The following RBFOX1 variants were observed in gnomAD, a reference collection of about 807,000 sequenced individuals.
The protein encoded by RBFOX1 is RNA binding protein fox-1 homolog 1.
In RBFOX1, 8 loss-of-function variants were observed where a neutral mutation model predicts 57.7. The observed-to-expected ratio is 0.14, with a 90% CI of 0.08 to 0.25. RBFOX1 has a LOEUF of 0.25. Among genes scored for constraint, RBFOX1 ranks in the 10% least tolerant of loss-of-function variants. The probability of loss-of-function intolerance (pLI) is 1.00; values close to 1 mark genes in which losing one functional copy is unlikely to be tolerated. For missense variants in RBFOX1, 611 were observed against 548.5 expected (o/e 1.11, Z -1.14); for synonymous variants, 326 against 222.4 (o/e 1.47, Z -4.15).
At chr16:7,221,335 T>TTTTATTTATTTGATTA in intron 4 of RBFOX1, among the ~76,000 whole-genome samples, 1 of 149,128 alleles carries the variant, frequency 6.7e-6, no homozygotes, top group East Asian at 2.0e-4. Flanking sequence ...TATTCTTTAT[T>TTTTATTTATTTGATTA]TTTATTTGAT....
At chr16:6,513,709 G>A (rs1477200749) in intron 2 of RBFOX1, among the ~76,000 whole-genome samples, 1 of 152,102 alleles carries the variant, frequency 6.6e-6, no homozygotes, top group Non-Finnish European at 1.5e-5. Context: ...ACTCCAGCCT[G>A]GGGGACAAGA....
intron 4 of RBFOX1, among the ~76,000 whole-genome samples, chr16:5,919,955 T>TAA (rs1340732466): frequency 1.1e-4 from 17 of 152,186 alleles, no homozygotes; most frequent in African/African-American, 3.9e-4. Context: ...TTCCATTTTT[T>TAA]TTAGACGGAG....
intron 3 of RBFOX1, among the ~76,000 whole-genome samples, chr16:6,967,720 G>C (rs910694616): frequency 1.3e-5 from 2 of 152,030 alleles, no homozygotes; most frequent in Non-Finnish European, 1.5e-5. Context: ...GGTCAAATGG[G>C]TCTTCTTTAA....
chr16:7,666,942 T>A (rs1260917210), intron 13 of RBFOX1, among the ~76,000 whole-genome samples: 1 of 152,144 alleles, frequency 6.6e-6, no homozygotes. Flanking sequence ...TTTCTTCCAG[T>A]CCTAAGTTGT....
chr16:7,502,859 C>G lies in RBFOX1; in HGVS notation c.28-15288C>G, dbSNP rs190826604. Among the ~76,000 whole-genome samples, 127 of 152,076 alleles carry G rather than the reference C, an allele frequency of 8.4e-4. 2 individuals are homozygous for G. The highest frequency in any genetic ancestry group is 1.2e-4 in the Non-Finnish European group (8 of 67,982). On this transcript the variant is annotated intron_variant, in intron 4 of 15. Transcript: ENST00000550418. The stretch of plus-strand genomic sequence containing the variant: ...CCAACATGGTGAAACTCCCTGTCTA[C>G]TAAAAATACAAAAATTAGCCAAGTG...
intron 3 of RBFOX1, among the ~76,000 whole-genome samples, chr16:6,947,402 G>A (rs780787760): frequency 1.3e-5 from 2 of 152,178 alleles, no homozygotes; most frequent in Non-Finnish European, 2.9e-5. Flanking sequence ...GGTTTCCTAA[G>A]AGAAGGAACA....
chr16:6,628,242 C>A (rs1162246775), intron 2 of RBFOX1, among the ~76,000 whole-genome samples: 1 of 152,218 alleles, frequency 6.6e-6, no homozygotes, highest in Non-Finnish European at 1.5e-5. Context: ...TACTCAATGA[C>A]AGCCAACGTA....
intron 1 of RBFOX1, among the ~76,000 whole-genome samples, chr16:5,272,276 G>C (rs535581723): frequency 6.6e-6 from 1 of 152,292 alleles, no homozygotes; most frequent in Non-Finnish European, 1.5e-5. Context: ...TAATTAGTTT[G>C]ATCTAATCAT....
At chr16:6,057,887 C>A (rs916557595) in intron 1 of RBFOX1, among the ~76,000 whole-genome samples, 1 of 126,134 alleles carries the variant, frequency 7.9e-6, no homozygotes, top group Non-Finnish European at 1.5e-5. Flanking sequence ...CAGAAGTAGG[C>A]AACCGCTCAG....
chr16:7,630,709 T>C, intron 11 of RBFOX1, 26 bp downstream of exon 11: 1 of 1,613,744 alleles, frequency 6.2e-7, no homozygotes, highest in Admixed American at 1.7e-5. Context: ...TGGCTCTTTT[T>C]GTTTTGTGAC....
chr16:6,383,540 T>G (rs541083282), intron 2 of RBFOX1, among the ~76,000 whole-genome samples: 1 of 152,218 alleles, frequency 6.6e-6, no homozygotes, highest in African/African-American at 2.4e-5. Flanking sequence ...TTTGGGAGGC[T>G]GAGGTGGGCG....
chr16:7,214,927 T>C (rs1039202209), intron 4 of RBFOX1, among the ~76,000 whole-genome samples: 1 of 152,162 alleles, frequency 6.6e-6, no homozygotes, highest in African/African-American at 2.4e-5. Flanking sequence ...CTCGGACACA[T>C]GTACTGAATG....
chr16:6,141,148 T>TG (rs1363675005), intron 1 of RBFOX1, among the ~76,000 whole-genome samples: 2 of 152,174 alleles, frequency 1.3e-5, no homozygotes, highest in East Asian at 3.9e-4. Context: ...GACCCTCCTT[T>TG]GTCTTTTTGC....
intron 4 of RBFOX1, among the ~76,000 whole-genome samples, chr16:7,401,445 C>T (rs1339017407): frequency 6.6e-6 from 1 of 152,086 alleles, no homozygotes; most frequent in African/African-American, 2.4e-5. Context: ...GATGGGATGG[C>T]TGTATGGATC....
intron 2 of RBFOX1, among the ~76,000 whole-genome samples, chr16:6,517,210 A>G (rs2096397564): frequency 6.6e-6 from 1 of 152,100 alleles, no homozygotes; most frequent in South Asian, 2.1e-4. Context: ...GAAGGGCGTG[A>G]TGATATATGG....
intron 1 of RBFOX1, among the ~76,000 whole-genome samples, chr16:6,091,342 C>A (rs1359064561): frequency 6.6e-6 from 1 of 152,190 alleles, no homozygotes; most frequent in South Asian, 2.1e-4. Flanking sequence ...ATTTGTCTGA[C>A]CCCCTTCCCT....
chr16:5,462,692 G>T (rs1279415775), intron 1 of RBFOX1, among the ~76,000 whole-genome samples: 1 of 152,124 alleles, frequency 6.6e-6, no homozygotes, highest in African/African-American at 2.4e-5. Context: ...GGAATTCTAC[G>T]CACCTGTTAG....
chr16:7,153,736 A>AAAAT lies in RBFOX1; in HGVS notation c.27+101641_27+101642insTAAA, dbSNP rs1555514600. On this transcript the variant is annotated intron_variant, in intron 4 of 15. Coordinates refer to ENST00000550418, the MANE Select transcript of RBFOX1 (RefSeq NM_018723.4). ...CAGTGAGACAGTGTCTCAAAAAAAA[A>AAAAT]AAAAATAAGGAAAGAAAGAAAGGAA... 1.3e-5 allele frequency among the ~76,000 whole-genome samples: 2 copies of AAAAT among 151,380 alleles called. 1 individual carries two copies. Among genetic ancestry groups the AAAAT allele is most frequent in the South Asian group, 4.2e-4 (2 of 4,762 alleles).
At chr16:6,802,570 G>T (rs2154258870) in intron 3 of RBFOX1, among the ~76,000 whole-genome samples, 1 of 152,256 alleles carries the variant, frequency 6.6e-6, no homozygotes, top group African/African-American at 2.4e-5. Flanking sequence ...CCAGATACTT[G>T]GGAGGGTGAG....
Sources: gnomAD v4.1 joint callset for allele counts (sites outside exome capture counted in the v4.1 genomes callset) on GRCh38, gnomAD v4.1.1 for gene constraint, MANE v1.5 for transcripts, NCBI Gene and HGNC (gene_info 2026-07-23, HGNC 2026-07-21) for gene names.